The following TET3 variants were observed in gnomAD, a reference collection of about 807,000 sequenced individuals.
The protein encoded by TET3 is methylcytosine dioxygenase TET3.
A neutral mutation model predicts 141.4 loss-of-function variants in TET3; 19 were observed. The observed-to-expected ratio is 0.13, with a 90% CI of 0.09 to 0.20. The LOEUF (loss-of-function observed/expected upper bound fraction) is 0.20. TET3 is among the 10% of genes least tolerant of loss of function. The probability of loss-of-function intolerance (pLI) is 1.00; values close to 1 mark genes in which losing one functional copy is unlikely to be tolerated. For missense variants in TET3, 1,874 were observed against 2,356.9 expected (o/e 0.80, Z 4.24); for synonymous variants, 1,043 against 980.9 (o/e 1.06, Z -1.18).
At chr2:74,077,945 A>G (rs1689603823) in intron 5 of TET3, among the ~76,000 whole-genome samples, 1 of 152,254 alleles carries the variant, frequency 6.6e-6, no homozygotes, top group Admixed American at 6.5e-5. Flanking sequence ...CAGGAACCAG[A>G]CAAAAGCAGC....
At chr2:74,088,752 G>A (rs1690302955) in intron 7 of TET3, among the ~76,000 whole-genome samples, 1 of 152,034 alleles carries the variant, frequency 6.6e-6, no homozygotes, top group African/African-American at 2.4e-5. Context: ...TTTGACAAAT[G>A]TTTACAGTCA....
chr2:74,005,789 C>A (rs1685123255), intron 3 of TET3, among the ~76,000 whole-genome samples: 1 of 152,334 alleles, frequency 6.6e-6, no homozygotes, highest in African/African-American at 2.4e-5. Context: ...AGCATAGGCA[C>A]AGAGTTGAGC....
intron 4 of TET3, among the ~76,000 whole-genome samples, chr2:74,066,719 A>G (rs1688924843): frequency 6.6e-6 from 1 of 152,336 alleles, no homozygotes; most frequent in East Asian, 1.9e-4. Flanking sequence ...AAACCTGACC[A>G]GCCAGTTCTA....
intron 3 of TET3, among the ~76,000 whole-genome samples, chr2:74,035,976 C>G (rs1318413616): frequency 6.6e-6 from 1 of 152,012 alleles, no homozygotes; most frequent in Non-Finnish European, 1.5e-5. Flanking sequence ...AAGATCCCAC[C>G]ACTGCACTCC....
intron 4 of TET3, among the ~76,000 whole-genome samples, chr2:74,058,379 TGA>T (rs1688323074): frequency 6.6e-6 from 1 of 152,030 alleles, no homozygotes; most frequent in Non-Finnish European, 1.5e-5. Flanking sequence ...TGAACAAACG[TGA>T]GAGTCAAAGG....
At chr2:74,039,944 A>G (rs1687256508) in intron 3 of TET3, among the ~76,000 whole-genome samples, 1 of 152,054 alleles carries the variant, frequency 6.6e-6, no homozygotes, top group African/African-American at 2.4e-5. Context: ...TTCTATTATC[A>G]CGAGCCCACC....
chr2:74,054,223 G>A (rs778231046), intron 4 of TET3, among the ~76,000 whole-genome samples: 4 of 152,164 alleles, frequency 2.6e-5, no homozygotes, highest in African/African-American at 4.8e-5. Flanking sequence ...AAACCAGTTT[G>A]TAGGCTCAGA....
chr2:74,130,928 G>C, the TET3 span: 7 of 152,258 alleles, frequency 4.6e-5, 1 homozygote, highest in Admixed American at 2.0e-4. Context: ...AATGGGTGAG[G>C]GGGTGGAGGC....
chr2:74,055,878 A>G (rs1318834326), intron 4 of TET3, among the ~76,000 whole-genome samples: 1 of 152,184 alleles, frequency 6.6e-6, no homozygotes, highest in Non-Finnish European at 1.5e-5. Flanking sequence ...CATGTGTCCT[A>G]CACCACCTGA....
At chr2:74,120,277 TC>T in the TET3 span, among the ~76,000 whole-genome samples, 2 of 151,404 alleles carry the variant, frequency 1.3e-5, no homozygotes, top group Non-Finnish European at 3.0e-5. Flanking sequence ...CTCCGGTCGC[TC>T]TGGCCGACGG....
At chr2:74,074,617 A>G (rs1174549342) in intron 5 of TET3, among the ~76,000 whole-genome samples, 1 of 152,178 alleles carries the variant, frequency 6.6e-6, no homozygotes. Context: ...TGGCCCTGCC[A>G]CTCACTGCTG....
At position 74,100,618 on chromosome 2, in the gene TET3, C is replaced by T. The variant is rs1382885122; in HGVS notation, c.3830C>T (p.Ser1277Phe). 1 of 1,614,000 alleles carries T rather than the reference C, an allele frequency of 6.2e-7. No individual in the cohort carries two copies. The highest frequency in any genetic ancestry group is 8.5e-7 in the Non-Finnish European group (1 of 1,179,890). ...PSLTSVNGFH[S>F]KYALPSFSYY... The stretch of plus-strand genomic sequence containing the variant: ...CTGACCTCCGTCAATGGCTTCCACT[C>T]CAAGTACGCTCTCCCGTCTTTTAGC... Residue 1277 changes from serine (S) to phenylalanine (F), a missense_variant, in exon 12 of 12, where the codon TCC (serine) becomes TTC (phenylalanine). Physicochemically the swap from Ser to Phe is radical, Grantham distance 155. Coordinates refer to ENST00000409262, the MANE Select transcript of TET3 (RefSeq NM_001287491.2).
the TET3 span, among the ~76,000 whole-genome samples, chr2:74,133,019 T>G: frequency 2.6e-5 from 4 of 151,864 alleles, no homozygotes; most frequent in Admixed American, 1.3e-4. Flanking sequence ...TGCCTCAGCC[T>G]CCCGAGTAGC....
At chr2:73,995,686 A>G (rs1486370917) in intron 2 of TET3, among the ~76,000 whole-genome samples, 1 of 152,150 alleles carries the variant, frequency 6.6e-6, no homozygotes, top group Non-Finnish European at 1.5e-5. Flanking sequence ...TGCAGATAGC[A>G]TTTCTGCCAT....
chr2:73,987,310 G>A (rs985911834), intron 2 of TET3, among the ~76,000 whole-genome samples: 3 of 152,220 alleles, frequency 2.0e-5, no homozygotes, highest in Admixed American at 6.5e-5. Context: ...TTGGCAGGTA[G>A]TAGGCACTCA....
chr2:74,019,885 C>T (rs1163084665), intron 3 of TET3, among the ~76,000 whole-genome samples: 1 of 152,188 alleles, frequency 6.6e-6, no homozygotes, highest in African/African-American at 2.4e-5. Context: ...GTTGTTAGCC[C>T]TCATTAGTGC....
chr2:74,019,882 G>T (rs1422940257), intron 3 of TET3, among the ~76,000 whole-genome samples: 1 of 152,158 alleles, frequency 6.6e-6, no homozygotes, highest in African/African-American at 2.4e-5. Context: ...CTTGTTGTTA[G>T]CCCTCATTAG....
chr2:74,097,666 G>A (rs1279483012), intron 10 of TET3, among the ~76,000 whole-genome samples: 2 of 152,168 alleles, frequency 1.3e-5, no homozygotes, highest in Non-Finnish European at 1.5e-5. Context: ...GTGATGCAGC[G>A]TAGCTACACT....
intron 4 of TET3, among the ~76,000 whole-genome samples, chr2:74,061,010 G>A (rs376486497): frequency 1.3e-5 from 2 of 152,032 alleles, no homozygotes; most frequent in African/African-American, 4.8e-5. Context: ...ATCATGGCCC[G>A]TTCTCAATGA....
Sources: gnomAD v4.1 joint callset for allele counts (sites outside exome capture counted in the v4.1 genomes callset) on GRCh38, gnomAD v4.1.1 for gene constraint, MANE v1.5 for transcripts, NCBI Gene and HGNC (gene_info 2026-07-23, HGNC 2026-07-21) for gene names.